DOCK1: variants seen among roughly 807,000 people sequenced by gnomAD.
The protein encoded by DOCK1 is dedicator of cytokinesis 1, also known as dedicator of cytokinesis protein 1.
A neutral mutation model predicts 262.7 loss-of-function variants in DOCK1; 138 were observed. That is an observed-to-expected ratio of 0.53 (90% CI 0.46 to 0.61). The LOEUF (loss-of-function observed/expected upper bound fraction) is 0.61, where lower values mean the gene tolerates loss of function less well. Among genes scored for constraint, DOCK1 ranks in the 20% least tolerant of loss-of-function variants. DOCK1 has a pLI of 0.00. For missense variants in DOCK1, 1,908 were observed against 2,370.7 expected (o/e 0.80, Z 4.05); for synonymous variants, 866 against 867.4 (o/e 1.00, Z 0.03).
intron 24 of DOCK1, among the ~76,000 whole-genome samples, chr10:127,107,008 A>G (rs2048569149): frequency 6.6e-6 from 1 of 152,106 alleles, no homozygotes; most frequent in East Asian, 1.9e-4. Context: ...CCCAGGCTGT[A>G]GTGCAGTGGC....
intron 30 of DOCK1, among the ~76,000 whole-genome samples, chr10:127,340,733 T>C (rs60603812): frequency 0.027 from 4,082 of 152,308 alleles, 193 homozygotes; most frequent in African/African-American, 0.091. Context: ...TAGAATCTTC[T>C]TCAACACTGA....
At chr10:127,447,123 C>A (rs2070620914) in intron 50 of DOCK1, among the ~76,000 whole-genome samples, 1 of 152,188 alleles carries the variant, frequency 6.6e-6, no homozygotes, top group South Asian at 2.1e-4. Flanking sequence ...ATCACCCTTT[C>A]TACAGTGGCT....
At chr10:127,242,308 C>T (rs2134708739) in intron 27 of DOCK1, among the ~76,000 whole-genome samples, 1 of 152,270 alleles carries the variant, frequency 6.6e-6, no homozygotes, top group East Asian at 1.9e-4. Context: ...GAGTTTGGGG[C>T]TAATTTATAA....
intron 24 of DOCK1, among the ~76,000 whole-genome samples, chr10:127,107,295 A>G (rs554224914): frequency 6.6e-6 from 1 of 152,294 alleles, no homozygotes; most frequent in South Asian, 2.1e-4. Flanking sequence ...CTGAGCGGTG[A>G]AACGGAATAA....
intron 33 of DOCK1, among the ~76,000 whole-genome samples, chr10:127,372,805 C>T (rs11017657): frequency 0.041 from 6,225 of 152,280 alleles, 181 homozygotes; most frequent in Middle Eastern, 0.075. Flanking sequence ...CAGCTTTCTT[C>T]AATTCTTCCT....
intron 1 of DOCK1, among the ~76,000 whole-genome samples, chr10:126,960,528 G>A (rs2037112777): frequency 1.3e-5 from 2 of 151,138 alleles, no homozygotes; most frequent in African/African-American, 4.9e-5. Flanking sequence ...TCATCCAGAG[G>A]TGATGGGGAC....
chr10:127,062,723 T>G (rs527565483), intron 23 of DOCK1, among the ~76,000 whole-genome samples: 135 of 152,382 alleles, frequency 8.9e-4, no homozygotes, highest in Non-Finnish European at 1.6e-3. Flanking sequence ...CAAGACAGAT[T>G]CTGAATTCAC....
chr10:127,063,224 C>T (rs933721869), intron 23 of DOCK1, among the ~76,000 whole-genome samples: 8 of 152,162 alleles, frequency 5.3e-5, no homozygotes, highest in African/African-American at 1.7e-4. Context: ...GTTTGTTTAA[C>T]GTATAATTTT....
At position 127,354,744 on chromosome 10, in the gene DOCK1, TG is replaced by T; in HGVS notation, c.3283+22del. ...ACAACCTTGGTGAGTAGCCTGGATG[TG>T]GGGGCATAGTGAATATCTTGCATCC... On this transcript the variant is annotated intron_variant, in intron 32 of 51. Transcript: ENST00000623213. 3 of 1,613,780 alleles carry T rather than the reference TG, an allele frequency of 1.9e-6. No homozygotes were observed. Among genetic ancestry groups the T allele is most frequent in the Non-Finnish European group, 2.5e-6 (3 of 1,179,702 alleles).
At chr10:127,334,500 A>G (rs913732396) in intron 29 of DOCK1, among the ~76,000 whole-genome samples, 1 of 152,192 alleles carries the variant, frequency 6.6e-6, no homozygotes, top group Non-Finnish European at 1.5e-5. Context: ...GATAAAAATG[A>G]TGCTTCTGAC....
chr10:127,195,395 C>A (rs768256672), intron 27 of DOCK1, among the ~76,000 whole-genome samples: 1 of 152,204 alleles, frequency 6.6e-6, no homozygotes, highest in Non-Finnish European at 1.5e-5. Flanking sequence ...CCGACCCCAA[C>A]CCGCAGCCCC....
chr10:127,260,278 A>C (rs1435810926), intron 29 of DOCK1, among the ~76,000 whole-genome samples: 1 of 152,130 alleles, frequency 6.6e-6, no homozygotes, highest in African/African-American at 2.4e-5. Context: ...CTCTGGGGAG[A>C]AGCCACAGTG....
At chr10:127,026,313 T>TAC in intron 15 of DOCK1, 39 bp from the exon 16 acceptor site, 1 of 1,535,960 alleles carries the variant, frequency 6.5e-7, no homozygotes, top group South Asian at 1.2e-5. Flanking sequence ...CTGGATGATA[T>TAC]TGATAACAGT....
intron 29 of DOCK1, among the ~76,000 whole-genome samples, chr10:127,291,208 C>G (rs569232831): frequency 6.6e-6 from 1 of 152,190 alleles, no homozygotes; most frequent in African/African-American, 2.4e-5. Context: ...GCTCACCGTG[C>G]TTAAGTGTCA....
chr10:127,154,450 GA>G (rs2052832155), intron 27 of DOCK1, among the ~76,000 whole-genome samples: 2 of 152,156 alleles, frequency 1.3e-5, no homozygotes, highest in South Asian at 4.1e-4. Flanking sequence ...GTGACACATG[GA>G]AATGATCCGA....
chr10:127,297,925 A>G (rs1198338176), intron 29 of DOCK1, among the ~76,000 whole-genome samples: 1 of 152,100 alleles, frequency 6.6e-6, no homozygotes, highest in African/African-American at 2.4e-5. Flanking sequence ...CTGCTTGCTA[A>G]TCTGAATATT....
chr10:127,341,325 G>C (rs1360187342), intron 30 of DOCK1, among the ~76,000 whole-genome samples: 1 of 152,198 alleles, frequency 6.6e-6, no homozygotes, highest in South Asian at 2.1e-4. Flanking sequence ...CCAGCTAGCA[G>C]AGTCGCTACT....
chr10:126,934,655 T>C (rs1252110503), intron 1 of DOCK1, among the ~76,000 whole-genome samples: 9 of 152,126 alleles, frequency 5.9e-5, no homozygotes, highest in Non-Finnish European at 1.2e-4. Context: ...AAAAGATGTG[T>C]GTCAACTTAA....
chr10:127,409,079 G>C lies in DOCK1; in HGVS notation c.4165G>C (p.Glu1389Gln). 1 of 1,599,434 alleles carries C rather than the reference G, an allele frequency of 6.3e-7. No homozygotes were observed. The highest frequency in any genetic ancestry group is 8.5e-7 in the Non-Finnish European group (1 of 1,172,250). Reference sequence around the variant, plus strand: ...CCGAGGGAAAGAGTATGAGCGCCGGGAAGATTTTGAGGCTCGGCTCTTAAC... The same window carrying C: ...CCGAGGGAAAGAGTATGAGCGCCGGCAAGATTTTGAGGCTCGGCTCTTAAC... ...IYRGKEYERREDFEARLLTQF... is the reference protein window; with the variant it reads ...IYRGKEYERRQDFEARLLTQF... The change falls in exon 41 of 52, where the codon GAA (glutamate) becomes CAA (glutamine). Residue 1389 changes from glutamate to glutamine, a missense_variant. Coordinates refer to ENST00000623213, the MANE Select transcript of DOCK1 (RefSeq NM_001290223.2).
Sources: gnomAD v4.1 joint callset for allele counts (sites outside exome capture counted in the v4.1 genomes callset) on GRCh38, gnomAD v4.1.1 for gene constraint, MANE v1.5 for transcripts, NCBI Gene and HGNC (gene_info 2026-07-23, HGNC 2026-07-21) for gene names.